The following PLAAT1 variants were observed in gnomAD, a reference collection of about 807,000 sequenced individuals.
PLAAT1 encodes the protein phospholipase A and acyltransferase 1.
PLAAT1 carries 13 observed loss-of-function variants against 16.4 expected under a neutral mutation model. That is an observed-to-expected ratio of 0.79 (90% CI 0.52 to 1.26). The LOEUF is 1.26. PLAAT1 is among the 50% of genes most tolerant of loss of function. The pLI, the probability that PLAAT1 is intolerant of heterozygous loss-of-function variation, is 0.00. For missense variants in PLAAT1, 218 were observed against 207.8 expected, an observed-to-expected ratio of 1.05 and a Z score of -0.30; for synonymous variants, 73 against 78.4, an observed-to-expected ratio of 0.93 and a Z score of 0.36.
At chr3:193,255,962 G>GAA (rs1254844961) in intron 2 of PLAAT1, among the ~76,000 whole-genome samples, 173 bp downstream of exon 2, 1 of 152,148 alleles carries the variant, frequency 6.6e-6, no homozygotes, top group Non-Finnish European at 1.5e-5. Flanking sequence ...CAGCATTGAA[G>GAA]AAATCACAAA....
At chr3:193,240,872 G>A (rs983327430), upstream of PLAAT1, among the ~76,000 whole-genome samples, 8 of 151,620 alleles carry the variant, frequency 5.3e-5, no homozygotes, top group East Asian at 1.5e-3. Context: ...CTAGAAGAGT[G>A]GGTGTACTCA....
chr3:193,243,019 CATTT>C (rs1715835350), intron 1 of PLAAT1, among the ~76,000 whole-genome samples: 1 of 152,122 alleles, frequency 6.6e-6, no homozygotes, highest in Non-Finnish European at 1.5e-5. Context: ...CGGCAGGGAA[CATTT>C]ATTTATTTTG....
At chr3:193,271,986 A>G (rs1716997845), downstream of PLAAT1, among the ~76,000 whole-genome samples, 2 of 151,656 alleles carry the variant, frequency 1.3e-5, no homozygotes, top group African/African-American at 2.4e-5. Context: ...TATGGCATCA[A>G]CTCTGTCTCC....
chr3:193,278,644 G>C (rs905372467), downstream of PLAAT1, among the ~76,000 whole-genome samples: 1 of 152,112 alleles, frequency 6.6e-6, no homozygotes, highest in Non-Finnish European at 1.5e-5. Flanking sequence ...TTGAACCCAG[G>C]TCAAGTTGCA....
intron 2 of PLAAT1, among the ~76,000 whole-genome samples, chr3:193,262,660 T>A (rs1372413029): frequency 6.6e-6 from 1 of 152,184 alleles, no homozygotes; most frequent in African/African-American, 2.4e-5. Context: ...ACATCTCTAA[T>A]AATATAATAC....
intron 1 of PLAAT1, among the ~76,000 whole-genome samples, chr3:193,252,081 A>G (rs1369333067): frequency 6.6e-6 from 1 of 152,220 alleles, no homozygotes; most frequent in East Asian, 1.9e-4. Flanking sequence ...CATAGGGCGT[A>G]CAGGATGCAT....
chr3:193,260,453 C>T (rs918696224), intron 2 of PLAAT1, among the ~76,000 whole-genome samples: 2 of 152,052 alleles, frequency 1.3e-5, no homozygotes, highest in African/African-American at 2.4e-5. Flanking sequence ...AACTGTGCAT[C>T]TGACAAAAGT....
At chr3:193,244,126 A>C (rs1370270147) in intron 1 of PLAAT1, among the ~76,000 whole-genome samples, 1 of 151,990 alleles carries the variant, frequency 6.6e-6, no homozygotes, top group East Asian at 1.9e-4. Context: ...AATTTTTTTA[A>C]CCACCCTTTG....
At chr3:193,255,263 C>T (rs1302108482) in intron 1 of PLAAT1, among the ~76,000 whole-genome samples, 3 of 151,964 alleles carry the variant, frequency 2.0e-5, no homozygotes, top group Admixed American at 1.3e-4. Flanking sequence ...TTCCTATTTC[C>T]CCTTTTTATC....
At chr3:193,261,211 T>TA (rs1177897132) in intron 2 of PLAAT1, among the ~76,000 whole-genome samples, 1 of 151,924 alleles carries the variant, frequency 6.6e-6, no homozygotes, top group Non-Finnish European at 1.5e-5. Context: ...CTACAAAAAA[T>TA]ACAAAAATTA....
At chr3:193,275,442 C>A, downstream of PLAAT1, 1 of 984,100 alleles carries the variant, frequency 1.0e-6, no homozygotes, top group Non-Finnish European at 1.5e-6. Flanking sequence ...TCTCCTTTCC[C>A]AAGTTCTGGA....
rs139016424 is a variant in PLAAT1 at position 193,263,282 on chromosome 3, A to G, written c.405+47A>G. 6.3e-5 allele frequency: 99 copies of G among 1,559,404 alleles called. No individual in the cohort carries two copies. The African/African-American group carries it at 1.1e-3, about 17-fold the overall frequency. On this transcript the variant is annotated intron_variant, in intron 3 of 3. Transcript: ENST00000264735. ...TTCTTACATTGAGAAAAGAATAACT[A>G]TTGGCTATGATAAGGTTCCCAGGCC...
rs1716655717 is a variant in PLAAT1, at chr3:193,263,245, C to CG, written c.405+10_405+11insG. On this transcript the variant is annotated intron_variant, in intron 3 of 3. Coordinates refer to ENST00000264735, the MANE Select transcript of PLAAT1 (RefSeq NM_020386.5). ...AGGAGTTTCAGAGCAGGTAAGTTTTCTTTAGGAGATATTCTTACATTGAGA... is the reference window on the plus strand; with the variant it reads ...AGGAGTTTCAGAGCAGGTAAGTTTTCGTTTAGGAGATATTCTTACATTGAGA... The CG allele has an allele frequency of 6.2e-7, 1 of 1,611,058 alleles. No homozygotes were observed. The highest frequency in any genetic ancestry group is 1.3e-5 in the African/African-American group (1 of 74,838).
At chr3:193,261,620 C>T (rs111432133) in intron 2 of PLAAT1, among the ~76,000 whole-genome samples, 11 of 152,114 alleles carry the variant, frequency 7.2e-5, no homozygotes, top group African/African-American at 2.7e-4. Flanking sequence ...AAGCAACCCT[C>T]TACATCTACA....
chr3:193,278,867 G>T (rs1717348930), downstream of PLAAT1, among the ~76,000 whole-genome samples: 1 of 152,132 alleles, frequency 6.6e-6, no homozygotes, highest in African/African-American at 2.4e-5. Flanking sequence ...CGGGGTCCAA[G>T]AATTAGTTCA....
chr3:193,256,058 A>G lies in PLAAT1; in HGVS notation c.139+269A>G, dbSNP rs1482918820. Among the ~76,000 whole-genome samples, 3 of 152,224 alleles carry G rather than the reference A, an allele frequency of 2.0e-5. No individual in the cohort carries two copies. In the East Asian group the frequency reaches 5.8e-4, roughly 29 times the overall value. On this transcript the variant is annotated intron_variant, in intron 2 of 3. Transcript: ENST00000264735. ...TAACCAGCTGGGGAAAATATTTGCCACAAACATGGCAAGGTTCAGTGTCTT... is the reference window on the plus strand; with the variant it reads ...TAACCAGCTGGGGAAAATATTTGCCGCAAACATGGCAAGGTTCAGTGTCTT...
intron 3 of PLAAT1, among the ~76,000 whole-genome samples, chr3:193,263,912 C>T (rs2108798675): frequency 6.6e-6 from 1 of 152,012 alleles, no homozygotes; most frequent in East Asian, 1.9e-4. Context: ...TGTTGTCCCA[C>T]CAGTCCAGTA....
chr3:193,252,303 T>A (rs1184298494), intron 1 of PLAAT1, among the ~76,000 whole-genome samples: 1 of 152,170 alleles, frequency 6.6e-6, no homozygotes, highest in Admixed American at 6.5e-5. Flanking sequence ...ATCCACATGC[T>A]TCCCACCAGA....
rs1715729522 is a variant in PLAAT1, at chr3:193,241,304, G to C, written c.-230G>C. The C allele has an allele frequency of 8.1e-7, 1 of 1,231,022 alleles. No homozygotes were observed. The highest frequency in any genetic ancestry group is 1.0e-6 in the Non-Finnish European group (1 of 987,510). The allele number at this position is 1,231,022 out of a possible 1,614,324, so 76.3% of individuals were successfully genotyped here. Reference sequence around the variant, plus strand: ...CCCGGCGTGCGGGCGTCTCAGAGCCGCGGAGGGGCCGCCGGGACCGTTTCA... The same window carrying C: ...CCCGGCGTGCGGGCGTCTCAGAGCCCCGGAGGGGCCGCCGGGACCGTTTCA... On this transcript the variant is annotated 5_prime_UTR_variant, in exon 1 of 4. Transcript: ENST00000264735.
Sources: allele counts gnomAD v4.1 joint callset (sites outside exome capture counted in the v4.1 genomes callset), GRCh38; gene constraint gnomAD v4.1.1; transcripts MANE v1.5; gene names NCBI Gene and HGNC (gene_info 2026-07-23, HGNC 2026-07-21).